The following ENTREP2 variants were observed in gnomAD, a reference collection of about 807,000 sequenced individuals.
ENTREP2 encodes the protein protein ENTREP2.
chr15:29,126,815 C>T, the ENTREP2 span, among the ~76,000 whole-genome samples: 16 of 152,286 alleles, frequency 1.1e-4, no homozygotes, highest in Non-Finnish European at 1.5e-5. Flanking sequence ...ACACAGCAGC[C>T]CCAAGGGACA....
At chr15:29,571,334 G>A in the ENTREP2 span, among the ~76,000 whole-genome samples, 19 of 152,328 alleles carry the variant, frequency 1.2e-4, no homozygotes, top group African/African-American at 4.6e-4. Context: ...GGCCAGCCGA[G>A]CCTTCAGAGC....
the ENTREP2 span, among the ~76,000 whole-genome samples, chr15:29,209,709 C>T: frequency 6.6e-6 from 1 of 152,012 alleles, no homozygotes; most frequent in Non-Finnish European, 1.5e-5. Flanking sequence ...GGGTCTCACA[C>T]AGGGAAAAGG....
chr15:29,233,927 G>A, the ENTREP2 span: 3 of 1,567,652 alleles, frequency 1.9e-6, no homozygotes, highest in African/African-American at 2.7e-5. Context: ...CTGTTCAGCT[G>A]GAGTATCTAC....
the ENTREP2 span, chr15:29,269,209 T>C: frequency 6.2e-7 from 1 of 1,613,992 alleles, no homozygotes; most frequent in Non-Finnish European, 8.5e-7. Flanking sequence ...ACCCCTCATC[T>C]CGGCATCCTC....
the ENTREP2 span, among the ~76,000 whole-genome samples, chr15:29,454,964 G>T: frequency 6.6e-6 from 1 of 152,178 alleles, no homozygotes; most frequent in East Asian, 1.9e-4. Context: ...ACACAAAAAA[G>T]GCCTAACACG....
the ENTREP2 span, among the ~76,000 whole-genome samples, chr15:29,649,730 A>C: frequency 1.1e-3 from 166 of 148,216 alleles, no homozygotes; most frequent in South Asian, 1.7e-3. Flanking sequence ...ACAACAACAA[A>C]AAAAAAAAAA....
At chr15:29,449,053 A>G in the ENTREP2 span, among the ~76,000 whole-genome samples, 1 of 152,198 alleles carries the variant, frequency 6.6e-6, no homozygotes, top group Non-Finnish European at 1.5e-5. Context: ...AAATGGCTCA[A>G]AAGAGTTAAG....
At chr15:29,186,711 A>G in the ENTREP2 span, among the ~76,000 whole-genome samples, 2 of 152,192 alleles carry the variant, frequency 1.3e-5, no homozygotes, top group African/African-American at 4.8e-5. Flanking sequence ...AAATGAGGGC[A>G]TATTTGAGAC....
chr15:29,270,525 G>C, the ENTREP2 span, among the ~76,000 whole-genome samples: 41 of 152,202 alleles, frequency 2.7e-4, no homozygotes, highest in Non-Finnish European at 5.0e-4. Context: ...GCAGAAATGG[G>C]TAAGAGGAAT....
At chr15:29,144,353 C>A in the ENTREP2 span, among the ~76,000 whole-genome samples, 1 of 152,046 alleles carries the variant, frequency 6.6e-6, no homozygotes, top group African/African-American at 2.4e-5. Flanking sequence ...GAAAATGTGA[C>A]AAGAGATTGA....
the ENTREP2 span, among the ~76,000 whole-genome samples, chr15:29,185,296 C>T: frequency 1.8e-4 from 28 of 152,226 alleles, 1 homozygote; most frequent in African/African-American, 6.5e-4. Flanking sequence ...TTCGGAATCA[C>T]ACCCAATGCC....
chr15:29,195,064 G>T, the ENTREP2 span: 1 of 949,166 alleles, frequency 1.1e-6, no homozygotes, highest in South Asian at 4.8e-5. Flanking sequence ...GCTCCAGGAT[G>T]CAGTGAGGTA....
chr15:29,231,355 C>T, the ENTREP2 span, among the ~76,000 whole-genome samples: 1 of 152,182 alleles, frequency 6.6e-6, no homozygotes, highest in Admixed American at 6.5e-5. Context: ...TACTTCCAAG[C>T]TACTCAACTC....
At chr15:29,329,236 G>A in the ENTREP2 span, among the ~76,000 whole-genome samples, 1 of 151,790 alleles carries the variant, frequency 6.6e-6, no homozygotes, top group Non-Finnish European at 1.5e-5. Context: ...GGTGGCAGGT[G>A]CCTGTAGTCC....
At chr15:29,623,532 G>A in the ENTREP2 span, among the ~76,000 whole-genome samples, 1 of 152,160 alleles carries the variant, frequency 6.6e-6, no homozygotes, top group Non-Finnish European at 1.5e-5. Flanking sequence ...GGGTTTAGAG[G>A]CTGAAGACTT....
chr15:29,542,575 A>G, the ENTREP2 span, among the ~76,000 whole-genome samples: 9 of 152,158 alleles, frequency 5.9e-5, no homozygotes, highest in South Asian at 1.7e-3. Context: ...AAGTGCTGGG[A>G]TTACAGGCGT....
the ENTREP2 span, chr15:29,126,427 G>A: frequency 6.5e-7 from 1 of 1,549,940 alleles, no homozygotes; most frequent in Non-Finnish European, 8.7e-7. Context: ...GGCCATCGGG[G>A]GATGGGCTGG....
the ENTREP2 span, among the ~76,000 whole-genome samples, chr15:29,353,057 T>C: frequency 6.6e-6 from 1 of 152,200 alleles, no homozygotes; most frequent in Non-Finnish European, 1.5e-5. Flanking sequence ...CACATGAATA[T>C]CAGTTATAAA....
chr15:29,248,872 A>T, the ENTREP2 span, among the ~76,000 whole-genome samples: 1 of 152,234 alleles, frequency 6.6e-6, no homozygotes, highest in Non-Finnish European at 1.5e-5. Context: ...CATTTTTATC[A>T]TGTATATCTA....
Sources: gnomAD v4.1 joint callset for allele counts (sites outside exome capture counted in the v4.1 genomes callset) on GRCh38, gnomAD v4.1.1 for gene constraint, MANE v1.5 for transcripts, NCBI Gene and HGNC (gene_info 2026-07-23, HGNC 2026-07-21) for gene names.